RNF130: variants seen among roughly 807,000 people sequenced by gnomAD.
The protein encoded by RNF130 is ring finger protein 130.
In RNF130, 21 loss-of-function variants were observed where a neutral mutation model predicts 44.6. The ratio of observed to expected loss-of-function variants is 0.47; its 90% confidence interval spans 0.33 to 0.68. The LOEUF is 0.68. RNF130 is among the 30% of genes least tolerant of loss of function. RNF130 has a pLI of 0.02. For synonymous variants in RNF130, 214 were observed against 210.4 expected (o/e 1.02, Z -0.15); for missense variants, 479 against 560.6 (o/e 0.85, Z 1.47).
chr5:180,037,529 T>C (rs530048284), intron 2 of RNF130, among the ~76,000 whole-genome samples: 58 of 152,320 alleles, frequency 3.8e-4, no homozygotes, highest in African/African-American at 1.2e-3. Flanking sequence ...TTTCCCTTCT[T>C]CACTGCCTTC....
Position 180,033,520 on chromosome 5 carries a change from T to C in RNF130, c.442+6933A>G, listed in dbSNP as rs539386506. 3.7e-3 allele frequency among the ~76,000 whole-genome samples: 566 copies of C among 152,150 alleles called. 3 individuals are homozygous for C. The highest frequency in any genetic ancestry group is 5.7e-3 in the Non-Finnish European group (385 of 67,994). ...GGGCAGGTCACTTGAGGTCAGGAGT[T>C]CGAGACCAGCCCGGCCAACATGGTG... On this transcript the variant is annotated intron_variant, in intron 2 of 8. Coordinates refer to ENST00000521389, the MANE Select transcript of RNF130 (RefSeq NM_018434.6).
intron 5 of RNF130, among the ~76,000 whole-genome samples, chr5:179,976,179 G>A (rs1378283632): frequency 6.6e-6 from 1 of 152,104 alleles, no homozygotes; most frequent in African/African-American, 2.4e-5. Context: ...TTATACAAAA[G>A]GAAAAAGATA....
At chr5:179,915,753 C>T (rs1466051413) in exon 8 of RNF130, 2 of 152,412 alleles carry the variant, frequency 1.3e-5, no homozygotes, top group African/African-American at 4.8e-5. Flanking sequence ...GCAAGCCTTC[C>T]CTGCCCAGGA....
At chr5:179,968,730 C>T (rs1561673477) in intron 6 of RNF130, among the ~76,000 whole-genome samples, 1 of 151,046 alleles carries the variant, frequency 6.6e-6, no homozygotes, top group Admixed American at 6.6e-5. Context: ...ATGGCAGATG[C>T]TCTATGTTAG....
Position 180,051,318 on chromosome 5 carries a change from C to T in RNF130, c.248-10671G>A, listed in dbSNP as rs566421439. Among the ~76,000 whole-genome samples the T allele has an allele frequency of 5.3e-5, 8 of 151,480 alleles. No individual in the cohort carries two copies. The South Asian group carries it at 1.0e-3, about 20-fold the overall frequency. On this transcript the variant is annotated intron_variant, in intron 1 of 8. Coordinates refer to ENST00000521389, the MANE Select transcript of RNF130 (RefSeq NM_018434.6). ...AGGCTGGAATGCAGTGGTGCGATCT[C>T]GGCTCACTGCAAGCTCTGCCTCCCG... is the stretch of plus-strand genomic sequence containing the variant.
At chr5:180,014,050 C>T (rs184815394) in intron 2 of RNF130, among the ~76,000 whole-genome samples, 1 of 152,228 alleles carries the variant, frequency 6.6e-6, no homozygotes, top group African/African-American at 2.4e-5. Context: ...GAGACAGGTC[C>T]AGGCTTCAAC....
intron 4 of RNF130, among the ~76,000 whole-genome samples, chr5:179,979,085 C>T (rs1439396772): frequency 5.9e-5 from 9 of 151,686 alleles, no homozygotes; most frequent in Non-Finnish European, 2.9e-5. Flanking sequence ...TGTGCTGGCC[C>T]GGGATACAAA....
intron 1 of RNF130, among the ~76,000 whole-genome samples, chr5:180,049,418 T>C (rs1051296744): frequency 2.6e-5 from 4 of 152,206 alleles, no homozygotes; most frequent in Non-Finnish European, 4.4e-5. Flanking sequence ...TAGCATTTTA[T>C]TTATTTATAA....
At chr5:180,065,811 AT>A (rs35203472) in intron 1 of RNF130, among the ~76,000 whole-genome samples, 58,653 of 151,032 alleles carry the variant, frequency 0.39, 12,409 homozygotes, top group South Asian at 0.61. Flanking sequence ...ACAGAAAAAA[AT>A]GTTTCCTTCC....
intron 2 of RNF130, among the ~76,000 whole-genome samples, chr5:180,039,789 C>T (rs747280222): frequency 6.6e-6 from 1 of 152,212 alleles, no homozygotes; most frequent in Non-Finnish European, 1.5e-5. Flanking sequence ...ACTAACAGAA[C>T]ATCAACAAAA....
rs200293649 is a variant in RNF130, at chr5:179,992,594, T to TG, written c.694-12395dup. ...TTGTTGGAGAATTACTGTGTTTTTT[T>TG]GGGGGGGTGTCATATTATCTTTTTC... is the stretch of plus-strand genomic sequence containing the variant. On this transcript the variant is annotated intron_variant, in intron 3 of 8. Transcript: ENST00000521389. Among the ~76,000 whole-genome samples the TG allele has an allele frequency of 2.5e-3, 374 of 152,232 alleles. 1 individual carries two copies. The highest frequency in any genetic ancestry group is 3.3e-3 in the Non-Finnish European group (226 of 68,014).
intron 2 of RNF130, among the ~76,000 whole-genome samples, chr5:180,029,852 C>CTT (rs11397024): frequency 0.38 from 54,459 of 144,214 alleles, 10,884 homozygotes; most frequent in South Asian, 0.6. Flanking sequence ...CTATCCACCT[C>CTT]TTTTTTTTTT....
At chr5:179,992,085 G>A (rs1349553642) in intron 3 of RNF130, among the ~76,000 whole-genome samples, 1 of 152,194 alleles carries the variant, frequency 6.6e-6, no homozygotes, top group Non-Finnish European at 1.5e-5. Flanking sequence ...AGCTCCTGCT[G>A]TGTGTCCTGT....
chr5:179,997,402 C>A (rs1000268931), intron 3 of RNF130, among the ~76,000 whole-genome samples: 5 of 152,240 alleles, frequency 3.3e-5, no homozygotes, highest in African/African-American at 1.2e-4. Flanking sequence ...CGGCTCACTG[C>A]AACCTCCGCC....
chr5:180,029,230 A>G (rs1764067198), intron 2 of RNF130, among the ~76,000 whole-genome samples: 1 of 152,252 alleles, frequency 6.6e-6, no homozygotes, highest in South Asian at 2.1e-4. Context: ...TCTGTGATAA[A>G]TTATTAAATA....
chr5:179,933,814 G>C, intron 7 of RNF130: 1 of 726,684 alleles, frequency 1.4e-6, no homozygotes. Context: ...ACTAGATAAA[G>C]AATCCCAGGA....
chr5:180,069,791 A>G (rs1166468831), intron 1 of RNF130, among the ~76,000 whole-genome samples: 1 of 152,180 alleles, frequency 6.6e-6, no homozygotes, highest in African/African-American at 2.4e-5. Flanking sequence ...CTGCCTCCCC[A>G]CTGAGAGGGG....
intron 2 of RNF130, among the ~76,000 whole-genome samples, chr5:180,020,460 T>C (rs1041130815): frequency 2.6e-5 from 4 of 152,266 alleles, no homozygotes; most frequent in Admixed American, 1.3e-4. Flanking sequence ...GACCAACCTG[T>C]AATTTTGCAA....
chr5:180,051,079 A>C (rs1350286712), intron 1 of RNF130, among the ~76,000 whole-genome samples: 2 of 152,198 alleles, frequency 1.3e-5, no homozygotes, highest in Non-Finnish European at 2.9e-5. Context: ...CTGGGATTAC[A>C]GGCGTAAGCC....
Sources: allele counts gnomAD v4.1 joint callset (sites outside exome capture counted in the v4.1 genomes callset), GRCh38; gene constraint gnomAD v4.1.1; transcripts MANE v1.5; gene names NCBI Gene and HGNC (gene_info 2026-07-23, HGNC 2026-07-21).